The following IST1 variants were observed in gnomAD, a reference collection of about 807,000 sequenced individuals.
IST1 encodes IST1 factor associated with ESCRT-III, also known as IST1 homolog.
Under a neutral mutation model 37.0 loss-of-function variants are expected in IST1, and 23 were observed. The ratio of observed to expected loss-of-function variants is 0.62; its 90% CI spans 0.45 to 0.88. The LOEUF (loss-of-function observed/expected upper bound fraction) is 0.88. IST1 is among the 40% of genes least tolerant of loss of function. IST1 has a pLI of 0.00. For missense variants in IST1, 488 were observed against 445.4 expected (o/e 1.10, Z -0.86); for synonymous variants, 180 against 161.7 (o/e 1.11, Z -0.86).
chr16:71,916,839 C>T (rs2037477857), intron 3 of IST1, among the ~76,000 whole-genome samples, 197 bp downstream of exon 3: 1 of 152,066 alleles, frequency 6.6e-6, no homozygotes, highest in Non-Finnish European at 1.5e-5. Context: ...GACCATTTTC[C>T]GAGTTCATGG....
chr16:71,917,264 T>C, intron 4 of IST1, 130 bp downstream of exon 4: 1 of 579,186 alleles, frequency 1.7e-6, no homozygotes, highest in Non-Finnish European at 3.0e-6. Context: ...AAATAGGTTT[T>C]GTAAATTTGT....
chr16:71,916,405 G>C, intron 2 of IST1, 57 bp from the exon 3 acceptor site: 1 of 1,551,964 alleles, frequency 6.4e-7, no homozygotes, highest in Admixed American at 1.7e-5. Context: ...AGATTGGCCT[G>C]TAGGCCAGAT....
chr16:71,921,787 CCCA>C, intron 6 of IST1: 1 of 259,748 alleles, frequency 3.8e-6, no homozygotes. Flanking sequence ...TTATTGGGTA[CCCA>C]CCATGTGTCT....
chr16:71,894,559 T>C, upstream of IST1: 1 of 311,840 alleles, frequency 3.2e-6, no homozygotes, highest in South Asian at 4.8e-5. Flanking sequence ...TTTCTTTTTT[T>C]CTGTAGCCTA....
intron 1 of IST1, among the ~76,000 whole-genome samples, chr16:71,908,095 C>G (rs1239182999): frequency 6.6e-6 from 1 of 152,072 alleles, no homozygotes; most frequent in Non-Finnish European, 1.5e-5. Flanking sequence ...AGGCACGTGC[C>G]ACCACACCAA....
At chr16:71,916,383 C>G (rs2037466385) in intron 2 of IST1, 79 bp from the exon 3 acceptor site, 1 of 1,384,876 alleles carries the variant, frequency 7.2e-7, no homozygotes, top group African/African-American at 1.4e-5. Flanking sequence ...CCCAGTTCTT[C>G]CTGTTGGGGG....
intron 1 of IST1, among the ~76,000 whole-genome samples, chr16:71,913,997 G>A (rs1332577342): frequency 2.6e-5 from 4 of 151,932 alleles, no homozygotes; most frequent in African/African-American, 9.7e-5. Flanking sequence ...TAGTAGAGAT[G>A]GGGTTTCTCC....
chr16:71,922,931 G>C (rs1298901199), intron 7 of IST1: 1 of 560,904 alleles, frequency 1.8e-6, no homozygotes, highest in Non-Finnish European at 3.2e-6. Flanking sequence ...AATATCTTTG[G>C]GATCTGTTAT....
At chr16:71,912,431 G>A (rs1043362784) in intron 1 of IST1, among the ~76,000 whole-genome samples, 3 of 152,048 alleles carry the variant, frequency 2.0e-5, no homozygotes, top group East Asian at 1.9e-4. Flanking sequence ...TGGAGACGGG[G>A]TTTCACCGTG....
chr16:71,931,096 GT>G lies in IST1; in HGVS notation c.*3289del, dbSNP rs923098777. On this transcript the variant is annotated 3_prime_UTR_variant, in exon 10 of 10. Transcript: ENST00000378799. Reference sequence around the variant, plus strand: ...TGTTTATTTTTTGTTTGCTCTATTTGTTTTTTAATGTTTTTTACTTTATGTT... The same window carrying G: ...TGTTTATTTTTTGTTTGCTCTATTTGTTTTTAATGTTTTTTACTTTATGTT... The G allele has an allele frequency of 2.0e-5, 3 of 151,934 alleles. No homozygotes were observed. The highest frequency in any genetic ancestry group is 7.2e-5 in the African/African-American group (3 of 41,398). 9.4% of individuals were successfully genotyped at this position (151,934 alleles called of 1,614,324 possible).
intron 1 of IST1, among the ~76,000 whole-genome samples, chr16:71,908,353 G>A (rs1047024945): frequency 5.8e-5 from 8 of 137,224 alleles, no homozygotes; most frequent in African/African-American, 8.0e-5. Flanking sequence ...AGGCTGGAGT[G>A]CAATGGCACG....
intron 7 of IST1, 58 bp downstream of exon 7, chr16:71,922,738 C>T: frequency 1.4e-6 from 2 of 1,393,536 alleles, no homozygotes; most frequent in Non-Finnish European, 2.0e-6. Flanking sequence ...AACAAGTTGG[C>T]TCTGTGAACA....
At chr16:71,924,616 A>C in intron 8 of IST1, 153 bp from the exon 9 acceptor site, 1 of 664,674 alleles carries the variant, frequency 1.5e-6, no homozygotes, top group Admixed American at 2.4e-5. Flanking sequence ...CATAGTATCT[A>C]CCTGATTGGA....
rs374955687 is a variant in IST1, at chr16:71,924,543, A to G, written c.853-226A>G. On this transcript the variant is annotated intron_variant, in intron 8 of 9. Coordinates refer to ENST00000378799, the MANE Select transcript of IST1 (RefSeq NM_001270975.2). ...GAAGTGGAGGCTGTGGTGAGCCGTG[A>G]TTGTATCACTGCACTCCAGCCTGGG... 643 of 589,192 alleles carry G rather than the reference A, an allele frequency of 1.1e-3. 4 individuals are homozygous for G. The African/African-American group carries it at 0.011, about 10-fold the overall frequency. 36.5% of individuals were successfully genotyped at this position (589,192 alleles called of 1,614,324 possible). A position where few individuals can be genotyped will look rare whatever the true frequency, so the allele number is the denominator to read the frequency against.
Position 71,922,694 on chromosome 16 carries a change from A to AGTGTGGATGT in IST1, c.759+15_759+24dup, listed in dbSNP as rs757040871. On this transcript the variant is annotated intron_variant, in intron 7 of 9. Coordinates refer to ENST00000378799, the MANE Select transcript of IST1 (RefSeq NM_001270975.2). ...CCAAAGGGACCAGTAAGTATATATA[A>AGTGTGGATGT]GTGTGGATGTAAGCTTTAGAAAATG... is the stretch of plus-strand genomic sequence containing the variant. 3.2e-6 allele frequency: 5 copies of AGTGTGGATGT among 1,543,388 alleles called. No individual in the cohort carries two copies. The Admixed American group carries it at 5.5e-5, about 17-fold the overall frequency.
chr16:71,923,028 T>A (rs923530159), intron 7 of IST1: 4 of 469,120 alleles, frequency 8.5e-6, no homozygotes, highest in Non-Finnish European at 1.5e-5. Flanking sequence ...TGGTCATTGG[T>A]AGTAAGAAAG....
chr16:71,904,919 TTTA>T (rs1304086390), intron 1 of IST1, among the ~76,000 whole-genome samples: 4 of 152,216 alleles, frequency 2.6e-5, no homozygotes, highest in African/African-American at 7.2e-5. Flanking sequence ...AGGTCTACAT[TTTA>T]TTATTTGTTT....
At chr16:71,926,856 T>C (rs1289006812) in intron 9 of IST1, among the ~76,000 whole-genome samples, 1 of 152,134 alleles carries the variant, frequency 6.6e-6, no homozygotes, top group Non-Finnish European at 1.5e-5. Flanking sequence ...ATGATCTTAA[T>C]ATAAAATACT....
chr16:71,925,960 A>G (rs2037732251), intron 9 of IST1, among the ~76,000 whole-genome samples: 1 of 151,406 alleles, frequency 6.6e-6, no homozygotes, highest in Non-Finnish European at 1.5e-5. Context: ...GATAATACCT[A>G]CCAGCAAAAA....
Sources: gnomAD v4.1 joint callset for allele counts (sites outside exome capture counted in the v4.1 genomes callset) on GRCh38, gnomAD v4.1.1 for gene constraint, MANE v1.5 for transcripts, NCBI Gene and HGNC (gene_info 2026-07-23, HGNC 2026-07-21) for gene names.